RYR3: variants seen among roughly 807,000 people sequenced by gnomAD.
RYR3 encodes the protein ryanodine receptor 3, also known as brain ryanodine receptor-calcium release channel.
A neutral mutation model predicts 584.3 loss-of-function variants in RYR3; 207 were observed. That is an observed-to-expected ratio of 0.35 (90% CI 0.32 to 0.40). The LOEUF is 0.40. Ranked by LOEUF, RYR3 falls within the 10% of genes least tolerant of loss-of-function variation. The pLI, the probability that RYR3 is intolerant of heterozygous loss-of-function variation, is 1.00. For missense variants in RYR3, 5,616 were observed against 6,089.2 expected, an observed-to-expected ratio of 0.92 and a Z score of 2.59; for synonymous variants, 2,416 against 2,248.5, an observed-to-expected ratio of 1.07 and a Z score of -2.11.
intron 59 of RYR3, 143 bp from the exon 60 acceptor site, chr15:33,757,332 G>A: frequency 1.2e-6 from 1 of 864,108 alleles, no homozygotes; most frequent in Non-Finnish European, 1.8e-6. Context: ...GATGGAAACT[G>A]GGACCAAAGG....
At chr15:33,771,897 A>G (rs1441340019) in intron 62 of RYR3, 23 bp from the exon 63 acceptor site, 1 of 1,564,034 alleles carries the variant, frequency 6.4e-7, no homozygotes. Flanking sequence ...ATGCTTCTAG[A>G]TTTGAACATT....
rs201791791 is a variant in RYR3, at chr15:33,841,953, G to T, written c.13127G>T (p.Arg4376Leu). Residue 4376 changes from arginine (R) to leucine (L), a missense_variant, in exon 91 of 104, where the codon CGG becomes CTG. By Grantham distance (102) the Arg-to-Leu change is moderately radical. Coordinates refer to ENST00000634891, the MANE Select transcript of RYR3 (RefSeq NM_001036.6). ...GAAGTGACAAAAAAGAAGAAGCGGC[G>T]GTGTGGTCAGAAGGTTGAGAAGCCG... ...WTEVTKKKKR[R>L]CGQKVEKPEA... is the part of the protein sequence containing the mutation. The T allele has an allele frequency of 3.1e-6, 5 of 1,601,788 alleles. No homozygotes were observed. Among genetic ancestry groups the T allele is most frequent in the Non-Finnish European group, 4.3e-6 (5 of 1,174,060 alleles).
intron 1 of RYR3, among the ~76,000 whole-genome samples, chr15:33,312,259 C>G (rs1967430795): frequency 6.6e-6 from 1 of 152,160 alleles, no homozygotes; most frequent in South Asian, 2.1e-4. Context: ...AAGATCACAA[C>G]TTACCTCTTG....
intron 36 of RYR3, among the ~76,000 whole-genome samples, chr15:33,664,314 G>T (rs1020392346): frequency 6.6e-6 from 1 of 151,942 alleles, no homozygotes; most frequent in Non-Finnish European, 1.5e-5. Flanking sequence ...CCACCTTGGG[G>T]TTAGCCTTAC....
At position 33,812,182 on chromosome 15, in the gene RYR3, A is replaced by G. The variant is rs953966820; in HGVS notation, c.10258-681A>G. Among the ~76,000 whole-genome samples, 4 of 152,230 alleles carry G rather than the reference A, an allele frequency of 2.6e-5. No homozygotes were observed. In the East Asian group the frequency reaches 7.7e-4, roughly 29 times the overall value. On this transcript the variant is annotated intron_variant, in intron 72 of 103. Transcript: ENST00000634891. ...AAACCCACAAATATTCCACAGAGAAACCCAAGTGGAATAACCACTTGGAGA... is the reference window on the plus strand; with the variant it reads ...AAACCCACAAATATTCCACAGAGAAGCCCAAGTGGAATAACCACTTGGAGA...
rs138680181 is a variant in RYR3 at position 33,472,651 on chromosome 15, G to T, written c.52-768G>T. 8.1e-3 allele frequency among the ~76,000 whole-genome samples: 1,229 copies of T among 152,306 alleles called. 23 individuals are homozygous for T. Among genetic ancestry groups the T allele is most frequent in the Non-Finnish European group, 7.5e-3 (512 of 68,016 alleles). Reference sequence around the variant, plus strand: ...GGAAACTGTTTTCCTCTCCACCTCAGGGAGGGTTGTGCAAGAAAATGTTTT... The same window carrying T: ...GGAAACTGTTTTCCTCTCCACCTCATGGAGGGTTGTGCAAGAAAATGTTTT... On this transcript the variant is annotated intron_variant, in intron 1 of 103. Transcript: ENST00000634891.
chr15:33,771,190 C>T (rs1369741205), intron 62 of RYR3, among the ~76,000 whole-genome samples: 1 of 152,222 alleles, frequency 6.6e-6, no homozygotes, highest in Non-Finnish European at 1.5e-5. Flanking sequence ...CTCTTTTCCT[C>T]TAAGAGGTCT....
At chr15:33,695,890 G>C (rs2065816713) in intron 38 of RYR3, among the ~76,000 whole-genome samples, 1 of 147,584 alleles carries the variant, frequency 6.8e-6, no homozygotes, top group South Asian at 2.2e-4. Flanking sequence ...GGCTCAAGCA[G>C]TCCTCCCACC....
intron 27 of RYR3, among the ~76,000 whole-genome samples, chr15:33,639,639 C>A (rs575298839): frequency 1.4e-4 from 22 of 152,304 alleles, no homozygotes; most frequent in African/African-American, 5.3e-4. Flanking sequence ...TCAGTCATTA[C>A]CCCAGTGGGA....
chr15:33,680,016 C>T (rs1262310141), intron 38 of RYR3, among the ~76,000 whole-genome samples: 2 of 152,098 alleles, frequency 1.3e-5, no homozygotes, highest in Admixed American at 1.3e-4. Context: ...GCTTAGATTC[C>T]AGCAGCATGG....
chr15:33,821,770 A>G (rs1291433520), intron 80 of RYR3, among the ~76,000 whole-genome samples, 168 bp downstream of exon 80: 1 of 152,188 alleles, frequency 6.6e-6, no homozygotes, highest in African/African-American at 2.4e-5. Context: ...GGAACGCAAC[A>G]TGGCTGGGAA....
chr15:33,482,730 A>C (rs2050087447), intron 2 of RYR3, among the ~76,000 whole-genome samples: 1 of 152,278 alleles, frequency 6.6e-6, no homozygotes, highest in Non-Finnish European at 1.5e-5. Context: ...GGTTTCTAGC[A>C]ATCTGAATGA....
At chr15:33,522,987 G>GGT (rs1341217455) in intron 3 of RYR3, among the ~76,000 whole-genome samples, 4 of 152,122 alleles carry the variant, frequency 2.6e-5, no homozygotes, top group Non-Finnish European at 5.9e-5. Flanking sequence ...CAGTTCCTTT[G>GGT]GTGTCATTTG....
rs1378316326 is a variant in RYR3, at chr15:33,810,314, C to A, written c.10027-165C>A. Among the ~76,000 whole-genome samples the A allele has an allele frequency of 2.0e-5, 3 of 152,178 alleles. No individual in the cohort carries two copies. In the East Asian group the frequency reaches 5.8e-4, roughly 29 times the overall value. ...GTTATGGCTGGTCTTTGATGGCTAC[C>A]TAATTCGTCTTTGTTCAACACACTC... is the stretch of plus-strand genomic sequence containing the variant. On this transcript the variant is annotated intron_variant, in intron 70 of 103. Transcript: ENST00000634891.
intron 67 of RYR3, among the ~76,000 whole-genome samples, chr15:33,791,815 T>C (rs2075178118): frequency 1.3e-5 from 2 of 152,072 alleles, no homozygotes; most frequent in Admixed American, 1.3e-4. Flanking sequence ...ACCATGGAAT[T>C]TAAGCTGGAT....
chr15:33,811,996 GA>G (rs559544613), intron 72 of RYR3, among the ~76,000 whole-genome samples: 20 of 151,106 alleles, frequency 1.3e-4, no homozygotes, highest in East Asian at 1.9e-4. Context: ...AATATACTAG[GA>G]AAAAAAAGGC....
chr15:33,416,549 C>G (rs2043823316), intron 1 of RYR3, among the ~76,000 whole-genome samples: 2 of 151,668 alleles, frequency 1.3e-5, no homozygotes, highest in Non-Finnish European at 2.9e-5. Flanking sequence ...ATGTTTTTTT[C>G]TTCTTGATTT....
At chr15:33,409,443 G>A (rs571753631) in intron 1 of RYR3, among the ~76,000 whole-genome samples, 3 of 151,484 alleles carry the variant, frequency 2.0e-5, no homozygotes, top group South Asian at 2.1e-4. Flanking sequence ...ACTCTGTCCC[G>A]TGAACTCTGG....
chr15:33,400,600 C>T (rs534425132), intron 1 of RYR3, among the ~76,000 whole-genome samples: 3 of 152,240 alleles, frequency 2.0e-5, no homozygotes, highest in South Asian at 2.1e-4. Context: ...TTCATGGAGA[C>T]TTTCTTCCTT....
Sources: gnomAD v4.1 joint callset for allele counts (sites outside exome capture counted in the v4.1 genomes callset) on GRCh38, gnomAD v4.1.1 for gene constraint, MANE v1.5 for transcripts, NCBI Gene and HGNC (gene_info 2026-07-23, HGNC 2026-07-21) for gene names.